The following GBP7 variants were observed in gnomAD, a reference collection of about 807,000 sequenced individuals.
GBP7 encodes guanylate binding protein 7.
A neutral mutation model predicts 61.3 loss-of-function variants in GBP7; 43 were observed. The ratio of observed to expected loss-of-function variants is 0.70; its 90% confidence interval spans 0.55 to 0.91. GBP7 has a LOEUF of 0.91. Among genes scored for constraint, GBP7 ranks in the 40% least tolerant of loss-of-function variants. GBP7 has a pLI of 0.00. For synonymous variants in GBP7, 267 were observed against 271.0 expected (o/e 0.99, Z 0.14); for missense variants, 717 against 740.5 (o/e 0.97, Z 0.37).
At chr1:89,139,217 G>T (rs1482625529) in intron 9 of GBP7, among the ~76,000 whole-genome samples, 1 of 152,146 alleles carries the variant, frequency 6.6e-6, no homozygotes, top group Non-Finnish European at 1.5e-5. Flanking sequence ...TTTCATAAAT[G>T]GTGCTGGGAA....
chr1:89,162,524 T>A (rs189988550), intron 3 of GBP7, among the ~76,000 whole-genome samples: 1 of 151,446 alleles, frequency 6.6e-6, no homozygotes, highest in Non-Finnish European at 1.5e-5. Flanking sequence ...TAAGCAGCAA[T>A]TATGAATGGG....
chr1:89,138,458 A>AAAAAC (rs889671012), intron 9 of GBP7, among the ~76,000 whole-genome samples: 3 of 152,054 alleles, frequency 2.0e-5, no homozygotes, highest in Admixed American at 6.6e-5. Context: ...GTGCTGGTCA[A>AAAAAC]AAAACAAAAC....
At chr1:89,163,128 G>A (rs1219851594) in intron 3 of GBP7, among the ~76,000 whole-genome samples, 2 of 152,262 alleles carry the variant, frequency 1.3e-5, no homozygotes, top group South Asian at 2.1e-4. Context: ...GATCATGGTG[G>A]ATAAGCTTTT....
At chr1:89,173,701 T>C (rs972857577) in intron 1 of GBP7, among the ~76,000 whole-genome samples, 2 of 152,224 alleles carry the variant, frequency 1.3e-5, no homozygotes, top group African/African-American at 4.8e-5. Context: ...GTTAGTTACA[T>C]TTGTTACTGT....
chr1:89,167,225 A>G (rs1647469728), intron 2 of GBP7, among the ~76,000 whole-genome samples: 1 of 152,116 alleles, frequency 6.6e-6, no homozygotes, highest in African/African-American at 2.4e-5. Context: ...TGATTTCTTC[A>G]TTTCCACAGC....
intron 9 of GBP7, among the ~76,000 whole-genome samples, chr1:89,137,861 T>C (rs1214986200): frequency 6.6e-6 from 1 of 152,026 alleles, no homozygotes; most frequent in Non-Finnish European, 1.5e-5. Flanking sequence ...AGTCAAACTC[T>C]CTCTCTTCAT....
chr1:89,171,119 T>C (rs566195951), intron 2 of GBP7, among the ~76,000 whole-genome samples: 14 of 152,222 alleles, frequency 9.2e-5, no homozygotes, highest in Non-Finnish European at 1.6e-4. Flanking sequence ...AATATATTCA[T>C]TTCTTTGGAG....
chr1:89,140,420 C>A (rs1343131112), intron 9 of GBP7, among the ~76,000 whole-genome samples: 2 of 146,314 alleles, frequency 1.4e-5, no homozygotes, highest in African/African-American at 5.1e-5. Flanking sequence ...TGCACATGCA[C>A]CCTAAAACTT....
chr1:89,166,533 G>A (rs1031038523), intron 2 of GBP7, among the ~76,000 whole-genome samples: 1 of 152,196 alleles, frequency 6.6e-6, no homozygotes, highest in Non-Finnish European at 1.5e-5. Context: ...GAAAATCCAT[G>A]AGGTATTAGA....
At chr1:89,141,337 C>G (rs181349078) in intron 9 of GBP7, among the ~76,000 whole-genome samples, 2 of 152,242 alleles carry the variant, frequency 1.3e-5, no homozygotes, top group Admixed American at 1.3e-4. Context: ...CTAGCCATGT[C>G]AGCAAGAGCA....
chr1:89,170,711 G>C (rs1647574224), intron 2 of GBP7, among the ~76,000 whole-genome samples: 1 of 152,152 alleles, frequency 6.6e-6, no homozygotes, highest in Admixed American at 6.5e-5. Flanking sequence ...TAACAAAATG[G>C]AGTCAGGAGT....
intron 8 of GBP7, among the ~76,000 whole-genome samples, chr1:89,144,414 AATAATAATAATAAT>A: frequency 6.6e-6 from 1 of 152,182 alleles, no homozygotes. Flanking sequence ...TGCTGGGTTG[AATAATAATAATAAT>A]TCTATTTTTA....
intron 10 of GBP7, among the ~76,000 whole-genome samples, chr1:89,133,029 A>G (rs2100632521): frequency 1.3e-5 from 2 of 152,348 alleles, no homozygotes; most frequent in Middle Eastern, 6.8e-3. Flanking sequence ...ACAGCAGCCC[A>G]GCACCCTGGG....
rs757252155 is a variant in GBP7, at chr1:89,149,293, A to C, written c.1151T>G (p.Val384Gly). The change falls in exon 7 of 11, where the codon GTG becomes GGG. Residue 384 changes from valine to glycine, a missense_variant and splice_region_variant. Around this residue, in one of 3 missense-constraint regions of GBP7, gnomAD observed 312 missense variants for 310.1 expected, o/e 1.01. Transcript: ENST00000294671. Reference protein sequence around the residue: ...DKSQEFQKKLVDTMEKKKEDF... With the variant: ...DKSQEFQKKLGDTMEKKKEDF... ...AAAAAAAAAAATAACAAAGATTACC[A>C]CAAGCTTCTTCTGAAATTCCTGGCT... is the stretch of plus-strand genomic sequence containing the variant. 6.3e-7 allele frequency: 1 copy of C among 1,599,308 alleles called. No homozygotes were observed. The highest frequency in any genetic ancestry group is 1.7e-5 in the Admixed American group (1 of 58,678).
intron 3 of GBP7, among the ~76,000 whole-genome samples, chr1:89,158,768 G>A (rs901405180): frequency 6.6e-6 from 1 of 152,122 alleles, no homozygotes; most frequent in Non-Finnish European, 1.5e-5. Flanking sequence ...TCAATATCGT[G>A]AAAATGGCCC....
rs759499483 is a variant in GBP7 at position 89,133,413 on chromosome 1, C to T, written c.1507G>A (p.Glu503Lys). The T allele has an allele frequency of 1.2e-6, 2 of 1,614,090 alleles. No homozygotes were observed. The highest frequency in any genetic ancestry group is 1.7e-6 in the Non-Finnish European group (2 of 1,180,018). The part of the protein sequence containing the change: ...AKKEAAEKEQ[E>K]LLRQKQKEQQ... ...TCCTTCTGTTTTTGTCTTAGCAGCT[C>T]CTGTTCCTTTTCAGCTGCCTCCTTC... is the stretch of plus-strand genomic sequence containing the variant. The change falls in exon 10 of 11, where the codon GAG becomes AAG. Residue 503 changes from glutamate to lysine, a missense_variant. Glu to Lys is a moderately conservative substitution (Grantham distance 56). Transcript: ENST00000294671.
intron 2 of GBP7, among the ~76,000 whole-genome samples, chr1:89,165,174 G>A (rs1162093736): frequency 6.6e-6 from 1 of 152,142 alleles, no homozygotes; most frequent in Non-Finnish European, 1.5e-5. Context: ...CTTCAGTGAA[G>A]TCTGAAACCA....
At chr1:89,155,427 C>T (rs183430978) in intron 3 of GBP7, among the ~76,000 whole-genome samples, 16 of 152,262 alleles carry the variant, frequency 1.1e-4, no homozygotes, top group Admixed American at 2.6e-4. Context: ...GGAGGATGTT[C>T]GAACCCATCA....
chr1:89,169,366 T>G (rs1188143043), intron 2 of GBP7, among the ~76,000 whole-genome samples: 1 of 152,242 alleles, frequency 6.6e-6, no homozygotes, highest in Non-Finnish European at 1.5e-5. Context: ...TGACTGTTCT[T>G]GCTGTACTTG....
Sources: allele counts gnomAD v4.1 joint callset (sites outside exome capture counted in the v4.1 genomes callset), GRCh38; gene constraint gnomAD v4.1.1; regional missense constraint gnomAD v4.1.1; transcripts MANE v1.5; gene names NCBI Gene and HGNC (gene_info 2026-07-23, HGNC 2026-07-21).